NRXN1: variants seen among roughly 807,000 people sequenced by gnomAD.
The protein encoded by NRXN1 is neurexin-1.
Under a neutral mutation model 150.9 loss-of-function variants are expected in NRXN1, and 39 were observed. The observed-to-expected ratio is 0.26, with a 90% confidence interval of 0.20 to 0.34. The LOEUF (loss-of-function observed/expected upper bound fraction) is 0.34. Ranked by LOEUF, NRXN1 falls within the 10% of genes least tolerant of loss-of-function variation. The probability of loss-of-function intolerance (pLI) is 1.00; values close to 1 mark genes in which losing one functional copy is unlikely to be tolerated. For missense variants in NRXN1, 1,815 were observed against 1,949.9 expected (o/e 0.93, Z 1.30); for synonymous variants, 924 against 757.0 (o/e 1.22, Z -3.62).
chr2:50,950,898 G>C (rs879515391), intron 2 of NRXN1, among the ~76,000 whole-genome samples: 2 of 152,136 alleles, frequency 1.3e-5, no homozygotes, highest in Non-Finnish European at 2.9e-5. Context: ...AATAACCTGA[G>C]AGTTCTAGTC....
At chr2:50,465,626 C>A in intron 16 of NRXN1, 65 bp from the exon 17 acceptor site, 1 of 1,503,946 alleles carries the variant, frequency 6.6e-7, no homozygotes, top group Non-Finnish European at 9.0e-7. Flanking sequence ...TATACATGAG[C>A]TAGATCACAT....
At chr2:50,721,723 T>C (rs1196183597) in intron 5 of NRXN1, among the ~76,000 whole-genome samples, 1 of 152,238 alleles carries the variant, frequency 6.6e-6, no homozygotes, top group African/African-American at 2.4e-5. Context: ...TATGTTTTTT[T>C]TCATACATTA....
intron 17 of NRXN1, among the ~76,000 whole-genome samples, chr2:50,254,834 TGC>T (rs1385658745): frequency 1.3e-5 from 2 of 152,112 alleles, no homozygotes; most frequent in Non-Finnish European, 2.9e-5. Flanking sequence ...TGTCATGCTC[TGC>T]TGCTCTGTCA....
intron 17 of NRXN1, among the ~76,000 whole-genome samples, chr2:50,354,926 G>A (rs1429961712): frequency 6.6e-6 from 1 of 151,842 alleles, no homozygotes; most frequent in African/African-American, 2.4e-5. Context: ...TGAGATTGTT[G>A]AGAACAACTA....
rs183461432 is a variant in NRXN1, at chr2:50,777,411, G to A, written c.832+144458C>T. 5.8e-3 allele frequency among the ~76,000 whole-genome samples: 881 copies of A among 152,232 alleles called. 3 individuals carry two copies. The highest frequency in any genetic ancestry group is 0.031 in the Middle Eastern group (9 of 294). On this transcript the variant is annotated intron_variant, in intron 5 of 22. Coordinates refer to ENST00000401669, the MANE Select transcript of NRXN1 (RefSeq NM_001330078.2). ...ACCAGGGCTAGCAAGGGAGTCTTTTGCAAGACAGTTGATTTTTAGAAACGC... is the reference window on the plus strand; with the variant it reads ...ACCAGGGCTAGCAAGGGAGTCTTTTACAAGACAGTTGATTTTTAGAAACGC...
Position 50,979,783 on chromosome 2 carries a change from T to C in NRXN1, c.772+47719A>G, listed in dbSNP as rs571629250. ...GCTACTCAGTAAGCAACCAACACCA[T>C]TCAATATATTCATTTATATTTCCCT... is the stretch of plus-strand genomic sequence containing the variant. On this transcript the variant is annotated intron_variant, in intron 2 of 22. Transcript: ENST00000401669. Among the ~76,000 whole-genome samples the C allele has an allele frequency of 3.3e-5, 5 of 152,224 alleles. No homozygotes were observed. In the South Asian group the frequency reaches 8.3e-4, roughly 25 times the overall value.
At chr2:50,946,571 A>G (rs1219737229) in intron 2 of NRXN1, among the ~76,000 whole-genome samples, 2 of 152,274 alleles carry the variant, frequency 1.3e-5, no homozygotes, top group East Asian at 1.9e-4. Flanking sequence ...TTTTAACCAC[A>G]TAAGAGCAAA....
intron 11 of NRXN1, 22 bp downstream of exon 11, chr2:50,531,205 A>T: frequency 6.3e-7 from 1 of 1,599,652 alleles, no homozygotes; most frequent in South Asian, 1.1e-5. Flanking sequence ...TGTTAGTTCA[A>T]TGGGGGAAGG....
intron 17 of NRXN1, among the ~76,000 whole-genome samples, chr2:50,289,832 T>C (rs1478064226): frequency 6.6e-6 from 1 of 152,180 alleles, no homozygotes; most frequent in East Asian, 1.9e-4. Context: ...GAAGGAAATA[T>C]GATATCTGTC....
intron 17 of NRXN1, among the ~76,000 whole-genome samples, chr2:50,435,533 C>G (rs528850178): frequency 9.1e-4 from 138 of 152,216 alleles, no homozygotes; most frequent in Middle Eastern, 3.4e-3. Context: ...TTTTCTTTAT[C>G]TAGTCTACCC....
At chr2:50,532,900 G>A (rs916802815) in intron 10 of NRXN1, among the ~76,000 whole-genome samples, 7 of 152,036 alleles carry the variant, frequency 4.6e-5, no homozygotes, top group Admixed American at 2.6e-4. Context: ...CGATAACTCA[G>A]GATGCTACTT....
At chr2:50,248,438 T>TA (rs989597028) in intron 17 of NRXN1, among the ~76,000 whole-genome samples, 12 of 152,162 alleles carry the variant, frequency 7.9e-5, no homozygotes, top group African/African-American at 2.9e-4. Flanking sequence ...GGAGAGCATT[T>TA]AGAGGTGGGC....
At chr2:50,209,279 C>A (rs1321802663) in intron 18 of NRXN1, among the ~76,000 whole-genome samples, 1 of 152,132 alleles carries the variant, frequency 6.6e-6, no homozygotes, top group Non-Finnish European at 1.5e-5. Context: ...ATTATAAACA[C>A]TAGAGATTTA....
intron 2 of NRXN1, among the ~76,000 whole-genome samples, chr2:50,953,629 T>A (rs1691782949): frequency 6.6e-6 from 1 of 151,386 alleles, no homozygotes; most frequent in Admixed American, 6.6e-5. Flanking sequence ...TGATCTCGGC[T>A]CACTGCAACA....
At chr2:50,393,174 A>AAT (rs1553539899) in intron 17 of NRXN1, among the ~76,000 whole-genome samples, 4 of 147,690 alleles carry the variant, frequency 2.7e-5, no homozygotes, top group South Asian at 2.1e-4. Flanking sequence ...CCAAAAAAAA[A>AAT]AATAATAATA....
intron 17 of NRXN1, among the ~76,000 whole-genome samples, chr2:50,426,674 G>A (rs2104323040): frequency 6.6e-6 from 1 of 152,228 alleles, no homozygotes; most frequent in East Asian, 1.9e-4. Context: ...CCTGAGGGAT[G>A]CAGTTATTTT....
chr2:50,468,608 GAAA>G (rs2089162892), intron 16 of NRXN1, among the ~76,000 whole-genome samples: 1 of 151,398 alleles, frequency 6.6e-6, no homozygotes, highest in South Asian at 2.1e-4. Flanking sequence ...AAAAGGGAAA[GAAA>G]AATGAAGATA....
At chr2:50,978,821 C>G (rs963125220) in intron 2 of NRXN1, among the ~76,000 whole-genome samples, 1 of 152,014 alleles carries the variant, frequency 6.6e-6, no homozygotes, top group African/African-American at 2.4e-5. Context: ...TGACTTTCAT[C>G]CCCGGATGCT....
At chr2:50,153,475 T>C (rs564887375) in intron 18 of NRXN1, among the ~76,000 whole-genome samples, 34 of 151,702 alleles carry the variant, frequency 2.2e-4, no homozygotes, top group African/African-American at 8.2e-4. Context: ...TTCCTAAGGA[T>C]TGCTGTTTTT....
Sources: allele counts gnomAD v4.1 joint callset (sites outside exome capture counted in the v4.1 genomes callset), GRCh38; gene constraint gnomAD v4.1.1; transcripts MANE v1.5; gene names NCBI Gene and HGNC (gene_info 2026-07-23, HGNC 2026-07-21).